The following LARP4B variants were observed in gnomAD, a reference collection of about 807,000 sequenced individuals.
LARP4B encodes the protein la-related protein 4B.
A neutral mutation model predicts 89.8 loss-of-function variants in LARP4B; 12 were observed. The observed-to-expected ratio is 0.13, with a 90% CI of 0.09 to 0.22. LARP4B has a LOEUF of 0.22. Among genes scored for constraint, LARP4B ranks in the 10% least tolerant of loss-of-function variants. LARP4B has a pLI of 1.00. For missense variants in LARP4B, 757 were observed against 947.7 expected, an observed-to-expected ratio of 0.80 and a Z score of 2.64; for synonymous variants, 367 against 363.3, an observed-to-expected ratio of 1.01 and a Z score of -0.12.
chr10:913,830 A>G lies in LARP4B; in HGVS notation c.-40+17598T>C, dbSNP rs1588985858. Among the ~76,000 whole-genome samples the G allele has an allele frequency of 2.6e-5, 4 of 152,118 alleles. No individual in the cohort carries two copies. In the South Asian group the frequency reaches 8.3e-4, roughly 32 times the overall value. On this transcript the variant is annotated intron_variant, in intron 1 of 17. Coordinates refer to ENST00000316157, the MANE Select transcript of LARP4B (RefSeq NM_015155.3). ...ACGCTGAGGTGGGAGTATCACTTAA[A>G]CCCAGGAGGCTGACGTTGCAGTGAG...
In LARP4B at chr10:813,014, C is replaced by T; in HGVS notation, c.2129G>A (p.Arg710Lys). 1.9e-6 allele frequency: 3 copies of T among 1,604,760 alleles called. No individual in the cohort carries two copies. Among genetic ancestry groups the T allele is most frequent in the Non-Finnish European group, 2.5e-6 (3 of 1,177,916 alleles). Residue 710 changes from arginine to lysine, a missense_variant, in exon 18 of 18, where the codon AGG becomes AAG. Coordinates refer to ENST00000316157, the MANE Select transcript of LARP4B (RefSeq NM_015155.3). ...CGAGGGCCGGCCCCCCGCCGGCCGC[C>T]TCTGGTCTCTGGGGGCTCCAGGTGT... ...KSTPGAPRDQ[R>K]RPAGGRPSPS...
intron 7 of LARP4B, among the ~76,000 whole-genome samples, chr10:838,979 A>AC (rs1044284506): frequency 9.9e-5 from 15 of 152,236 alleles, no homozygotes; most frequent in African/African-American, 3.6e-4. Context: ...AGGAACCTTC[A>AC]ACATATATTG....
chr10:947,163 C>T, the LARP4B span, among the ~76,000 whole-genome samples: 1,071 of 152,320 alleles, frequency 7.0e-3, 13 homozygotes, highest in African/African-American at 0.024. Flanking sequence ...AGCCACTATG[C>T]CCAGCCGGAA....
chr10:975,837 G>C, the LARP4B span, among the ~76,000 whole-genome samples: 3 of 149,628 alleles, frequency 2.0e-5, no homozygotes, highest in East Asian at 6.0e-4. Context: ...GCAACGTGTG[G>C]ACCCGGCCTA....
intron 1 of LARP4B, among the ~76,000 whole-genome samples, chr10:918,469 C>CA (rs1327072031): frequency 4.6e-5 from 7 of 151,702 alleles, no homozygotes; most frequent in Admixed American, 6.6e-5. Context: ...CCCATCTCTA[C>CA]AAAAAAATAC....
At chr10:807,306 TAGAG>T (rs751753675), downstream of LARP4B, 3 of 152,248 alleles carry the variant, frequency 2.0e-5, no homozygotes, top group African/African-American at 7.2e-5. Context: ...TAGCTAACGT[TAGAG>T]AGAGTCTTTC....
At chr10:954,757 C>T in the LARP4B span, among the ~76,000 whole-genome samples, 3 of 150,908 alleles carry the variant, frequency 2.0e-5, no homozygotes, top group Non-Finnish European at 4.4e-5. The surrounding 1 kb of genome is among the most constrained non-coding windows in gnomAD (Gnocchi z 5.0). Context: ...CTTCCCAGGA[C>T]AGCTCCCATC....
the LARP4B span, among the ~76,000 whole-genome samples, chr10:956,304 G>C: frequency 6.6e-6 from 1 of 151,972 alleles, no homozygotes; most frequent in Non-Finnish European, 1.5e-5. The surrounding 1 kb of genome is among the most constrained non-coding windows in gnomAD (Gnocchi z 4.3). Flanking sequence ...GTACACCTGC[G>C]TCTAAGGGGT....
rs916891893 is a variant in LARP4B at position 812,352 on chromosome 10, C to T, written c.*574G>A. The T allele has an allele frequency of 1.3e-5, 2 of 152,518 alleles. No homozygotes were observed. The highest frequency in any genetic ancestry group is 4.8e-5 in the African/African-American group (2 of 41,426). 9.4% of individuals were successfully genotyped at this position (152,518 alleles called of 1,614,324 possible). On this transcript the variant is annotated 3_prime_UTR_variant, in exon 18 of 18. Transcript: ENST00000316157. ...CGCCCAGGAGATCAAAAAGGATGCG[C>T]TCTCTACATTCTTAAATGCCACAGT...
chr10:946,235 AC>A, the LARP4B span, among the ~76,000 whole-genome samples: 1 of 152,344 alleles, frequency 6.6e-6, no homozygotes, highest in South Asian at 2.1e-4. Flanking sequence ...CTGAAAATCC[AC>A]TAGCAAACAT....
intron 1 of LARP4B, among the ~76,000 whole-genome samples, chr10:917,552 A>G (rs1475822638): frequency 6.6e-6 from 1 of 152,246 alleles, no homozygotes; most frequent in East Asian, 1.9e-4. Flanking sequence ...AGCCTGTTGG[A>G]AAGACTAGCC....
chr10:862,256 TAAAAAAAAAA>T (rs10661482), intron 5 of LARP4B, among the ~76,000 whole-genome samples: 6 of 84,414 alleles, frequency 7.1e-5, no homozygotes, highest in Middle Eastern at 8.3e-3. Flanking sequence ...CCACTGAAGT[TAAAAAAAAAA>T]AAAAAAAAAA....
At chr10:886,224 G>A (rs1372411560) in intron 1 of LARP4B, among the ~76,000 whole-genome samples, 1 of 152,068 alleles carries the variant, frequency 6.6e-6, no homozygotes, top group African/African-American at 2.4e-5. Flanking sequence ...AAAGGTGCTC[G>A]GCATCACTAA....
chr10:957,266 G>A, the LARP4B span, among the ~76,000 whole-genome samples: 1,824 of 152,080 alleles, frequency 0.012, 17 homozygotes, highest in Middle Eastern at 0.027. Context: ...GGGTTCAAGC[G>A]ATTATCCTGC....
intron 1 of LARP4B, among the ~76,000 whole-genome samples, chr10:921,911 T>G (rs1836991039): frequency 6.6e-6 from 1 of 152,210 alleles, no homozygotes; most frequent in Non-Finnish European, 1.5e-5. Context: ...CTTCCCATAT[T>G]CATTCTTTGG....
At chr10:861,309 G>C (rs1834604729) in intron 5 of LARP4B, among the ~76,000 whole-genome samples, 1 of 152,156 alleles carries the variant, frequency 6.6e-6, no homozygotes, top group Non-Finnish European at 1.5e-5. Context: ...AAAGAGGAAT[G>C]AAAGAGGCAA....
intron 9 of LARP4B, 79 bp from the exon 10 acceptor site, chr10:829,813 A>G: frequency 1.1e-6 from 1 of 895,190 alleles, no homozygotes; most frequent in Non-Finnish European, 1.9e-6. Flanking sequence ...TCAATAGCTC[A>G]AATAGGGAAA....
In LARP4B at chr10:814,668, G is replaced by A. The variant is rs1391521310; in HGVS notation, c.1929+74C>T. 6.4e-7 allele frequency: 1 copy of A among 1,552,362 alleles called. No individual in the cohort carries two copies. Reference sequence around the variant, plus strand: ...AGATGTGATTAAAAAACGAGCAGGTGCAGGAGTGCGCAGCGTCTGTTCACA... The same window carrying A: ...AGATGTGATTAAAAAACGAGCAGGTACAGGAGTGCGCAGCGTCTGTTCACA... On this transcript the variant is annotated intron_variant, in intron 17 of 17. Coordinates refer to ENST00000316157, the MANE Select transcript of LARP4B (RefSeq NM_015155.3). This position sits in a 1 kb window ranked among gnomAD's most constrained non-coding sequence, Gnocchi z 4.4.
At chr10:839,803 C>T (rs1376304761) in intron 7 of LARP4B, among the ~76,000 whole-genome samples, 1 of 152,148 alleles carries the variant, frequency 6.6e-6, no homozygotes, top group Non-Finnish European at 1.5e-5. Flanking sequence ...GCTATTTACC[C>T]AAGAGAGAGG....
Sources: gnomAD v4.1 joint callset for allele counts (sites outside exome capture counted in the v4.1 genomes callset) on GRCh38, gnomAD v4.1.1 for gene constraint, Gnocchi (gnomAD v3.1) non-coding constraint, MANE v1.5 for transcripts, NCBI Gene and HGNC (gene_info 2026-07-23, HGNC 2026-07-21) for gene names.